KCNK2: variants seen among roughly 807,000 people sequenced by gnomAD.
KCNK2 encodes potassium channel subfamily K member 2.
Under a neutral mutation model 40.5 loss-of-function variants are expected in KCNK2, and 21 were observed. The ratio of observed to expected loss-of-function variants is 0.52; its 90% confidence interval spans 0.37 to 0.75. The LOEUF (loss-of-function observed/expected upper bound fraction) is 0.75, where lower values mean the gene tolerates loss of function less well. KCNK2 is among the 30% of genes least tolerant of loss of function. KCNK2 has a pLI of 0.00. For synonymous variants in KCNK2, 191 were observed against 202.2 expected (o/e 0.94, Z 0.47); for missense variants, 399 against 531.6 (o/e 0.75, Z 2.45).
intron 1 of KCNK2, among the ~76,000 whole-genome samples, chr1:215,021,678 T>A (rs973040678): frequency 1.3e-5 from 2 of 151,264 alleles, no homozygotes; most frequent in African/African-American, 4.9e-5. Flanking sequence ...CCCGATTAAC[T>A]GGGACTACAG....
chr1:215,143,714 A>G (rs1383369949), intron 3 of KCNK2, among the ~76,000 whole-genome samples: 2 of 152,146 alleles, frequency 1.3e-5, no homozygotes, highest in Non-Finnish European at 2.9e-5. Context: ...CTCTGCCTCT[A>G]GTGGCCAGGG....
intron 1 of KCNK2, among the ~76,000 whole-genome samples, chr1:215,039,979 AT>A (rs1657511467): frequency 6.6e-6 from 1 of 152,122 alleles, no homozygotes; most frequent in South Asian, 2.1e-4. Context: ...TTTGCAGAAC[AT>A]TATGGAATGC....
chr1:215,130,784 G>T (rs1661633215), intron 3 of KCNK2, among the ~76,000 whole-genome samples: 1 of 152,240 alleles, frequency 6.6e-6, no homozygotes, highest in Non-Finnish European at 1.5e-5. Context: ...AAAGTTTACA[G>T]ATGGAGATAT....
chr1:215,010,862 T>TGTG (rs1553254941), intron 1 of KCNK2, among the ~76,000 whole-genome samples: 73 of 130,802 alleles, frequency 5.6e-4, no homozygotes, highest in African/African-American at 1.8e-3. Flanking sequence ...TTTTTTTTTT[T>TGTG]TTTTTTTGTG....
At chr1:215,096,085 T>C (rs944240049) in intron 2 of KCNK2, among the ~76,000 whole-genome samples, 8 of 151,976 alleles carry the variant, frequency 5.3e-5, no homozygotes, top group Non-Finnish European at 1.0e-4. Context: ...CTTGCTAGCA[T>C]TCACAAAGTA....
intron 2 of KCNK2, among the ~76,000 whole-genome samples, chr1:215,100,538 T>G (rs778395599): frequency 6.6e-6 from 1 of 151,966 alleles, no homozygotes; most frequent in Non-Finnish European, 1.5e-5. Context: ...ACTTTAAAGC[T>G]TAATTTGGTG....
In KCNK2 at chr1:215,083,284, G is replaced by A; in HGVS notation, c.-102G>A. On this transcript the variant is annotated 5_prime_UTR_variant, in exon 1 of 7. Coordinates refer to ENST00000444842, the MANE Select transcript of KCNK2 (RefSeq NM_001017425.3). ...AATGCCTGCCCGTGCAGCTCGGAGC[G>A]CGCAGCCCGTCTCTGAATAAGAAGT... 1.9e-6 allele frequency: 3 copies of A among 1,540,818 alleles called. No individual in the cohort carries two copies. Among genetic ancestry groups the A allele is most frequent in the Non-Finnish European group, 2.6e-6 (3 of 1,134,286 alleles).
intron 2 of KCNK2, among the ~76,000 whole-genome samples, chr1:215,104,519 T>C (rs748441112): frequency 1.2e-4 from 19 of 152,052 alleles, no homozygotes; most frequent in Non-Finnish European, 2.5e-4. Context: ...TAGTGCCTGC[T>C]TGCTGCCTCC....
intron 1 of KCNK2, among the ~76,000 whole-genome samples, chr1:215,034,731 T>C (rs965843755): frequency 6.6e-6 from 1 of 152,168 alleles, no homozygotes; most frequent in Admixed American, 6.6e-5. Context: ...GTATTTGAAC[T>C]CTCTGTTCTG....
At chr1:215,164,138 T>C (rs578004633) in intron 3 of KCNK2, among the ~76,000 whole-genome samples, 1 of 152,302 alleles carries the variant, frequency 6.6e-6, no homozygotes, top group South Asian at 2.1e-4. Flanking sequence ...TTTTCCTGGC[T>C]TAGTCTTGGG....
At chr1:215,033,048 T>C (rs898389097) in intron 1 of KCNK2, among the ~76,000 whole-genome samples, 3 of 152,026 alleles carry the variant, frequency 2.0e-5, no homozygotes, top group Non-Finnish European at 4.4e-5. Context: ...TGTTTTTCAG[T>C]CTTTTTTTTT....
intron 1 of KCNK2, among the ~76,000 whole-genome samples, chr1:215,044,182 G>A (rs1403921175): frequency 6.6e-6 from 1 of 152,126 alleles, no homozygotes; most frequent in African/African-American, 2.4e-5. Flanking sequence ...TCCAAAGTAT[G>A]TTTAGGAAAA....
At chr1:215,206,291 A>C (rs971133133) in intron 6 of KCNK2, among the ~76,000 whole-genome samples, 3 of 152,224 alleles carry the variant, frequency 2.0e-5, no homozygotes, top group African/African-American at 7.2e-5. Flanking sequence ...GATATGGAAG[A>C]GTAGAATACT....
chr1:215,034,890 T>C (rs2102488445), intron 1 of KCNK2, among the ~76,000 whole-genome samples: 1 of 152,242 alleles, frequency 6.6e-6, no homozygotes, highest in East Asian at 1.9e-4. Flanking sequence ...TATACATGCA[T>C]TCATGTTGGT....
chr1:215,040,362 C>T (rs1027850811), intron 1 of KCNK2, among the ~76,000 whole-genome samples: 1 of 152,042 alleles, frequency 6.6e-6, no homozygotes, highest in African/African-American at 2.4e-5. Flanking sequence ...CATAACTTGC[C>T]CGAGGTCACA....
At chr1:215,161,591 C>T (rs1449824495) in intron 3 of KCNK2, among the ~76,000 whole-genome samples, 9 of 151,598 alleles carry the variant, frequency 5.9e-5, no homozygotes, top group East Asian at 3.9e-4. Context: ...CCCCAGCCCC[C>T]GACAGGCCCC....
chr1:215,020,899 T>C (rs1659397834), intron 1 of KCNK2, among the ~76,000 whole-genome samples: 2 of 152,214 alleles, frequency 1.3e-5, no homozygotes, highest in Admixed American at 1.3e-4. Context: ...ATACATAGGA[T>C]ATCACCTTTC....
At chr1:215,048,464 A>G (rs1239377554) in intron 1 of KCNK2, among the ~76,000 whole-genome samples, 2 of 152,186 alleles carry the variant, frequency 1.3e-5, no homozygotes, top group Non-Finnish European at 2.9e-5. Flanking sequence ...GGTTTTCTGA[A>G]TATATGTCTA....
intron 5 of KCNK2, among the ~76,000 whole-genome samples, chr1:215,184,415 G>A (rs917983552): frequency 1.1e-4 from 16 of 152,076 alleles, no homozygotes; most frequent in African/African-American, 1.7e-4. Flanking sequence ...TATGTGACAC[G>A]TTTTATATTT....
Sources: allele counts gnomAD v4.1 joint callset (sites outside exome capture counted in the v4.1 genomes callset), GRCh38; gene constraint gnomAD v4.1.1; transcripts MANE v1.5; gene names NCBI Gene and HGNC (gene_info 2026-07-23, HGNC 2026-07-21).